Variants in TBC1D31 observed in about 807,000 individuals in gnomAD.
TBC1D31 encodes TBC1 domain family member 31.
Under a neutral mutation model 132.9 loss-of-function variants are expected in TBC1D31, and 99 were observed. The observed-to-expected ratio is 0.74, with a 90% confidence interval of 0.63 to 0.88. TBC1D31 has a LOEUF of 0.88. TBC1D31 is among the 40% of genes least tolerant of loss of function. The pLI is 0.00. For synonymous variants in TBC1D31, 385 were observed against 419.4 expected (o/e 0.92, Z 1.00); for missense variants, 1,134 against 1,256.6 (o/e 0.90, Z 1.48).
At position 123,090,410 on chromosome 8, in the gene TBC1D31, T is replaced by C. The variant is rs1199215038; in HGVS notation, c.520-3181T>C. 2.0e-5 allele frequency among the ~76,000 whole-genome samples: 3 copies of C among 152,236 alleles called. No homozygotes were observed. In the East Asian group the frequency reaches 5.8e-4, roughly 29 times the overall value. Reference sequence around the variant, plus strand: ...TTATTCTTTTGTTGATGTTTGGGGGTAAGATATTCAGCTCATTAGTTAAGG... The same window carrying C: ...TTATTCTTTTGTTGATGTTTGGGGGCAAGATATTCAGCTCATTAGTTAAGG... On this transcript the variant is annotated intron_variant, in intron 4 of 21. Coordinates refer to ENST00000287380, the MANE Select transcript of TBC1D31 (RefSeq NM_145647.4).
At chr8:123,140,675 G>A in intron 17 of TBC1D31, 86 bp from the exon 18 acceptor site, 2 of 1,028,438 alleles carry the variant, frequency 1.9e-6, no homozygotes, top group Non-Finnish European at 2.8e-6. Flanking sequence ...TTTTATTTGT[G>A]TGCATATTAC....
At chr8:123,097,115 T>C (rs1397522185) in intron 5 of TBC1D31, among the ~76,000 whole-genome samples, 167 bp from the exon 6 acceptor site, 8 of 152,206 alleles carry the variant, frequency 5.3e-5, no homozygotes, top group African/African-American at 1.9e-4. Context: ...ATAAGGTCCT[T>C]ATTAACATTA....
chr8:123,107,922 A>T (rs1426069756), intron 8 of TBC1D31, among the ~76,000 whole-genome samples: 3 of 152,332 alleles, frequency 2.0e-5, no homozygotes, highest in South Asian at 2.1e-4. Context: ...ATTGAGGCCA[A>T]ACTCCCCAGG....
chr8:123,087,662 G>A (rs1381166595), intron 4 of TBC1D31, among the ~76,000 whole-genome samples: 2 of 152,164 alleles, frequency 1.3e-5, no homozygotes, highest in African/African-American at 2.4e-5. Context: ...TGACACAAAA[G>A]CCATCTGTTC....
chr8:123,136,195 A>G (rs1049755957), intron 17 of TBC1D31, among the ~76,000 whole-genome samples: 9 of 152,220 alleles, frequency 5.9e-5, no homozygotes, highest in African/African-American at 2.2e-4. Flanking sequence ...GATTTGATCC[A>G]TTGTATCCAA....
intron 8 of TBC1D31, among the ~76,000 whole-genome samples, 188 bp from the exon 9 acceptor site, chr8:123,109,129 T>C (rs1586640034): frequency 1.3e-5 from 2 of 152,174 alleles, no homozygotes; most frequent in Admixed American, 1.3e-4. Flanking sequence ...TCATGAACTT[T>C]ATTGGCTATG....
intron 16 of TBC1D31, among the ~76,000 whole-genome samples, chr8:123,132,403 CTTT>C (rs34901750): frequency 1.8e-5 from 1 of 55,442 alleles, no homozygotes; most frequent in Non-Finnish European, 3.5e-5. Context: ...TTTTTTAAGT[CTTT>C]TTTTTTTTTT....
At chr8:123,094,018 T>C (rs1816609389) in intron 5 of TBC1D31, among the ~76,000 whole-genome samples, 1 of 152,120 alleles carries the variant, frequency 6.6e-6, no homozygotes, top group South Asian at 2.1e-4. Flanking sequence ...TCAGAACCAC[T>C]AAATATTTCC....
At chr8:123,111,674 ACACT>A (rs1488404815) in intron 10 of TBC1D31, among the ~76,000 whole-genome samples, 1 of 152,144 alleles carries the variant, frequency 6.6e-6, no homozygotes, top group Admixed American at 6.6e-5. Context: ...ACACACACAC[ACACT>A]CACACAATGG....
the TBC1D31 span, among the ~76,000 whole-genome samples, chr8:123,163,120 C>T: frequency 6.6e-6 from 1 of 151,970 alleles, no homozygotes; most frequent in Non-Finnish European, 1.5e-5. Flanking sequence ...CCACTGCGCC[C>T]GGCCCATTGG....
At chr8:123,154,972 C>A (rs1316736245), downstream of TBC1D31, among the ~76,000 whole-genome samples, 1 of 152,162 alleles carries the variant, frequency 6.6e-6, no homozygotes, top group Non-Finnish European at 1.5e-5. Context: ...AGGAGAAATA[C>A]CTCAAGAGCC....
At chr8:123,148,231 C>T (rs775051162) in intron 20 of TBC1D31, among the ~76,000 whole-genome samples, 1 of 152,018 alleles carries the variant, frequency 6.6e-6, no homozygotes, top group Non-Finnish European at 1.5e-5. Context: ...GTAATAATTC[C>T]GTCAGTAGCT....
intron 3 of TBC1D31, 78 bp from the exon 4 acceptor site, chr8:123,084,084 A>T (rs1311601361): frequency 1.6e-6 from 2 of 1,248,080 alleles, no homozygotes; most frequent in African/African-American, 1.5e-5. Flanking sequence ...GCATCAGTTC[A>T]TCTATGGTGT....
At chr8:123,116,370 C>T (rs1165844912) in intron 10 of TBC1D31, among the ~76,000 whole-genome samples, 1 of 152,056 alleles carries the variant, frequency 6.6e-6, no homozygotes, top group Non-Finnish European at 1.5e-5. Flanking sequence ...TCTGAAACTA[C>T]TTTATGTGTA....
intron 11 of TBC1D31, chr8:123,123,463 A>T (rs939947057): frequency 5.1e-5 from 8 of 156,648 alleles, no homozygotes; most frequent in African/African-American, 1.7e-4. Context: ...CAGCCTATCC[A>T]TTGGTGATGC....
intron 2 of TBC1D31, among the ~76,000 whole-genome samples, chr8:123,077,997 G>T (rs182763409): frequency 6.6e-6 from 1 of 151,802 alleles, no homozygotes; most frequent in African/African-American, 2.4e-5. Flanking sequence ...TCAGTGAGCC[G>T]AGATCGTGCC....
intron 20 of TBC1D31, among the ~76,000 whole-genome samples, chr8:123,146,976 G>A (rs894972620): frequency 2.0e-5 from 3 of 151,998 alleles, no homozygotes; most frequent in South Asian, 2.1e-4. Context: ...AAATCATGCC[G>A]ACTCTTAAAA....
intron 16 of TBC1D31, among the ~76,000 whole-genome samples, chr8:123,130,615 TTTC>T (rs1490201590): frequency 6.6e-6 from 1 of 151,530 alleles, no homozygotes; most frequent in Non-Finnish European, 1.5e-5. Context: ...TATTTTTTCT[TTTC>T]TTTTCTTTTT....
intron 2 of TBC1D31, among the ~76,000 whole-genome samples, chr8:123,077,638 C>G (rs2385161): frequency 6.6e-6 from 1 of 151,760 alleles, no homozygotes; most frequent in Admixed American, 6.6e-5. Context: ...TTCCAGCTAC[C>G]GCACCCAGCC....
Sources: gnomAD v4.1 joint callset for allele counts (sites outside exome capture counted in the v4.1 genomes callset) on GRCh38, gnomAD v4.1.1 for gene constraint, MANE v1.5 for transcripts, NCBI Gene and HGNC (gene_info 2026-07-23, HGNC 2026-07-21) for gene names.